The following NBEA variants were observed in gnomAD, a reference collection of about 807,000 sequenced individuals.
NBEA encodes neurobeachin.
NBEA carries 44 observed loss-of-function variants against 343.4 expected under a neutral mutation model. That is an observed-to-expected ratio of 0.13 (90% CI 0.10 to 0.16). The LOEUF is 0.16. Ranked by LOEUF, NBEA falls within the 10% of genes least tolerant of loss-of-function variation. The pLI, the probability that NBEA is intolerant of heterozygous loss-of-function variation, is 1.00. For synonymous variants in NBEA, 1,175 were observed against 1,238.7 expected (o/e 0.95, Z 1.08); for missense variants, 2,555 against 3,631.3 (o/e 0.70, Z 7.62).
At position 35,593,411 on chromosome 13, in the gene NBEA, T is replaced by C. The variant is rs756842717; in HGVS notation, c.7260T>C (p.Ser2420=). The C allele has an allele frequency of 4.3e-6, 7 of 1,612,220 alleles. No homozygotes were observed. In the South Asian group the frequency reaches 7.7e-5, roughly 18 times the overall value. The part of the protein sequence containing the change: ...PDRTFSSVAR[S]WRTSQRDTSD... The stretch of plus-strand genomic sequence containing the variant: ...GAACCTTCTCATCCGTTGCAAGGTC[T>C]TGGAGAACTAGTCAGAGAGATACTT... Residue 2420 remains serine, a synonymous_variant, in exon 47 of 59, where the codon TCT becomes TCC. Coordinates refer to ENST00000379939, the MANE Select transcript of NBEA (RefSeq NM_001385012.1).
intron 35 of NBEA, among the ~76,000 whole-genome samples, chr13:35,294,879 G>A (rs992286461): frequency 5.3e-5 from 8 of 151,702 alleles, no homozygotes; most frequent in African/African-American, 9.7e-5. Flanking sequence ...CATAAGCAGC[G>A]GAGAATTGGG....
intron 36 of NBEA, among the ~76,000 whole-genome samples, chr13:35,313,040 A>T (rs138154506): frequency 4.0e-4 from 61 of 152,270 alleles, no homozygotes; most frequent in African/African-American, 1.3e-3. Flanking sequence ...AAGGATTCAG[A>T]TGTGATGCTC....
chr13:34,997,404 A>G (rs2060976400), intron 1 of NBEA, among the ~76,000 whole-genome samples: 1 of 152,172 alleles, frequency 6.6e-6, no homozygotes, highest in Non-Finnish European at 1.5e-5. Context: ...ATTCCATTGC[A>G]CATTGATATA....
chr13:35,555,959 G>A (rs1289834369), intron 44 of NBEA, among the ~76,000 whole-genome samples: 1 of 151,798 alleles, frequency 6.6e-6, no homozygotes, highest in African/African-American at 2.4e-5. Context: ...TCATACATAA[G>A]TGTGACTAAA....
Position 34,942,633 on chromosome 13 carries a change from C to A in NBEA, c.-188C>A. The A allele has an allele frequency of 3.0e-6, 1 of 337,398 alleles. No individual in the cohort carries two copies. The highest frequency in any genetic ancestry group is 5.3e-6 in the Non-Finnish European group (1 of 190,000). The allele number at this position is 337,398 out of a possible 1,614,324, so 20.9% of individuals were successfully genotyped here. On this transcript the variant is annotated 5_prime_UTR_variant, in exon 1 of 59. Transcript: ENST00000379939. Reference sequence around the variant, plus strand: ...CGAGAATAAGCCTGCGGATCCCCCGCCGCCTCCGCGGGGGAGAGCGCCGGA... The same window carrying A: ...CGAGAATAAGCCTGCGGATCCCCCGACGCCTCCGCGGGGGAGAGCGCCGGA...
intron 33 of NBEA, among the ~76,000 whole-genome samples, chr13:35,219,729 T>G (rs1021873591): frequency 3.3e-5 from 5 of 152,122 alleles, no homozygotes; most frequent in African/African-American, 1.2e-4. Flanking sequence ...AAAAGCTGGC[T>G]GGCTCAAGAC....
intron 45 of NBEA, among the ~76,000 whole-genome samples, chr13:35,581,570 C>T (rs1022810131): frequency 4.0e-5 from 6 of 151,724 alleles, no homozygotes; most frequent in African/African-American, 1.5e-4. Flanking sequence ...ATGATGAGTT[C>T]ATGTCCTTTG....
intron 1 of NBEA, among the ~76,000 whole-genome samples, chr13:35,011,932 T>A (rs1439549746): frequency 2.0e-5 from 3 of 152,214 alleles, no homozygotes; most frequent in Non-Finnish European, 1.5e-5. Context: ...TGCTCTGATA[T>A]TTAGCAGTAT....
rs769280051 is a variant in NBEA, at chr13:35,155,832, C to A, written c.2504C>A (p.Ser835Tyr). 3 of 1,612,178 alleles carry A rather than the reference C, an allele frequency of 1.9e-6. No homozygotes were observed. The highest frequency in any genetic ancestry group is 2.5e-6 in the Non-Finnish European group (3 of 1,178,330). The change falls in exon 19 of 59, where the codon TCT (serine) becomes TAT (tyrosine). Residue 835 changes from serine to tyrosine, a missense_variant. Transcript: ENST00000379939. ...CACAAACCACATCCAGAGCCAGATT[C>A]TACAGTGAAAATTCAGAATCCAAGT... ...VVHKPHPEPD[S>Y]TVKIQNPMIL...
intron 34 of NBEA, among the ~76,000 whole-genome samples, chr13:35,281,125 A>G (rs182614971): frequency 1.4e-3 from 207 of 152,232 alleles, no homozygotes; most frequent in Non-Finnish European, 2.1e-3. Context: ...ATTCAATGAC[A>G]TGTAATTTTT....
intron 56 of NBEA, among the ~76,000 whole-genome samples, chr13:35,666,432 A>G (rs2085357615): frequency 6.6e-6 from 1 of 151,692 alleles, no homozygotes; most frequent in Admixed American, 6.6e-5. Flanking sequence ...AAAAAAGGAA[A>G]ATAAGTGACA....
At chr13:35,098,056 TA>T (rs997493182) in intron 10 of NBEA, among the ~76,000 whole-genome samples, 1 of 152,112 alleles carries the variant, frequency 6.6e-6, no homozygotes, top group Non-Finnish European at 1.5e-5. Context: ...CTTTGGAATG[TA>T]AAAAAACTAC....
intron 48 of NBEA, among the ~76,000 whole-genome samples, chr13:35,616,959 G>A (rs1021572026): frequency 2.6e-5 from 4 of 152,172 alleles, no homozygotes; most frequent in African/African-American, 9.7e-5. Context: ...CCAGCCAGCT[G>A]TGTGCAATGC....
chr13:35,128,154 G>A (rs1213335948), intron 17 of NBEA, among the ~76,000 whole-genome samples: 3 of 151,720 alleles, frequency 2.0e-5, no homozygotes, highest in Non-Finnish European at 4.4e-5. Flanking sequence ...GTTAGTGGGT[G>A]CAGCGCACCA....
intron 48 of NBEA, among the ~76,000 whole-genome samples, chr13:35,608,094 A>G (rs1472891329): frequency 2.0e-5 from 3 of 152,178 alleles, no homozygotes; most frequent in Non-Finnish European, 4.4e-5. Flanking sequence ...TCTCTAAGAA[A>G]TATTTTACTT....
intron 34 of NBEA, among the ~76,000 whole-genome samples, chr13:35,237,210 G>T (rs746236388): frequency 6.6e-6 from 1 of 151,952 alleles, no homozygotes; most frequent in African/African-American, 2.4e-5. Context: ...AGCCACGATC[G>T]TACCACTGCA....
intron 41 of NBEA, among the ~76,000 whole-genome samples, chr13:35,494,046 A>T (rs1376969882): frequency 2.0e-5 from 3 of 151,980 alleles, no homozygotes; most frequent in African/African-American, 7.2e-5. Context: ...TTTTAAAAAC[A>T]ACTCTATATA....
chr13:35,122,337 C>T (rs1593417520), intron 16 of NBEA, among the ~76,000 whole-genome samples: 2 of 151,908 alleles, frequency 1.3e-5, no homozygotes, highest in Admixed American at 6.6e-5. Flanking sequence ...CCAACAATGA[C>T]AGACTGGATT....
rs758382803 is a variant in NBEA, at chr13:35,184,057, A to T, written c.4913A>T (p.His1638Leu). Residue 1638 changes from histidine to leucine, a missense_variant, in exon 30 of 59, where the codon CAC becomes CTC. By Grantham distance (99) the His-to-Leu change is moderately conservative (BLOSUM62 -3). Transcript: ENST00000379939. ...TTAATTCCTGAGCAGAGCTTTGGCC[A>T]CTCATTTTACAAAGGTAATACTGAC... ...AKLIPEQSFG[H>L]SFYKETPAAF... 2 of 1,609,960 alleles carry T rather than the reference A, an allele frequency of 1.2e-6. No homozygotes were observed. The highest frequency in any genetic ancestry group is 1.1e-5 in the South Asian group (1 of 90,864).
Sources: gnomAD v4.1 joint callset for allele counts (sites outside exome capture counted in the v4.1 genomes callset) on GRCh38, gnomAD v4.1.1 for gene constraint, MANE v1.5 for transcripts, NCBI Gene and HGNC (gene_info 2026-07-23, HGNC 2026-07-21) for gene names.